The following PNKP variants were observed in gnomAD, a reference collection of about 807,000 sequenced individuals.
PNKP encodes the protein polynucleotide kinase 3'-phosphatase, also known as bifunctional polynucleotide phosphatase/kinase.
PNKP carries 82 observed loss-of-function variants against 66.2 expected under a neutral mutation model. That is an observed-to-expected ratio of 1.24 (90% CI 1.04 to 1.49). The LOEUF is 1.49. Ranked by LOEUF, PNKP falls within the 40% of genes most tolerant of loss-of-function variation. PNKP has a pLI of 0.00. For synonymous variants in PNKP, 412 were observed against 298.9 expected, an observed-to-expected ratio of 1.38 and a Z score of -3.90; for missense variants, 907 against 706.8, an observed-to-expected ratio of 1.28 and a Z score of -3.21.
At chr19:49,862,142 C>A in intron 12 of PNKP, 37 bp from the exon 13 acceptor site, 1 of 1,613,894 alleles carries the variant, frequency 6.2e-7, no homozygotes, top group South Asian at 1.1e-5. Flanking sequence ...GGCCTAGGAC[C>A]CAGGCGGGGC....
rs2074759584 is a variant in PNKP, at chr19:49,861,529, G to A, written c.1387-19C>T. 6.2e-7 allele frequency: 1 copy of A among 1,612,658 alleles called. No individual in the cohort carries two copies. Among genetic ancestry groups the A allele is most frequent in the Non-Finnish European group, 8.5e-7 (1 of 1,179,024 alleles). On this transcript the variant is annotated intron_variant, in intron 15 of 16. Coordinates refer to ENST00000322344, the MANE Select transcript of PNKP (RefSeq NM_007254.4). ...CTCGAAACTGTGGGGAACATCAGAG[G>A]GGCGGCAGGCCCAGGGGTCAGGGGA...
In PNKP at chr19:49,862,101, C is replaced by T. The variant is rs2074774537; in HGVS notation, c.1131G>A (p.Gly377=). The T allele has an allele frequency of 6.2e-7, 1 of 1,614,120 alleles. No individual in the cohort carries two copies. The change falls in exon 13 of 17, where the codon GGG becomes GGA. Residue 377 remains glycine (G), a synonymous_variant. Transcript: ENST00000322344. ...GGTGCTTCTTGAGAAAGGTGGACTTCCCGGCTGTGTGGGGGGCAGTGTCGG... is the reference window on the plus strand; with the variant it reads ...GGTGCTTCTTGAGAAAGGTGGACTTTCCGGCTGTGTGGGGGGCAGTGTCGG... ...VVVAVGFPGA[G]KSTFLKKHLV... is the part of the protein sequence containing the mutation.
At chr19:49,863,506 G>A (rs1315739617) in intron 8 of PNKP, among the ~76,000 whole-genome samples, 183 bp downstream of exon 8, 1 of 152,228 alleles carries the variant, frequency 6.6e-6, no homozygotes, top group Non-Finnish European at 1.5e-5. Context: ...CTACTACTCT[G>A]ATGTAGAAAG....
At position 49,864,248 on chromosome 19, in the gene PNKP, A is replaced by G. The variant is rs1388215202; in HGVS notation, c.579-12T>C. 2.5e-6 allele frequency: 4 copies of G among 1,613,982 alleles called. No homozygotes were observed. Among genetic ancestry groups the G allele is most frequent in the Non-Finnish European group, 3.4e-6 (4 of 1,179,978 alleles). On this transcript the variant is annotated splice_polypyrimidine_tract_variant and intron_variant, in intron 5 of 16. Coordinates refer to ENST00000322344, the MANE Select transcript of PNKP (RefSeq NM_007254.4). ...CTGGGTACAAGATCCTACGGCAGGT[A>G]TGAAGCGGCAGGGGTGACCCGGGGC...
chr19:49,865,037 A>G, intron 4 of PNKP, 90 bp downstream of exon 4: 1 of 1,047,928 alleles, frequency 9.5e-7, no homozygotes, highest in South Asian at 1.4e-5. Context: ...CAGAAAAGTA[A>G]GTAGAGGCTA....
At chr19:49,865,621 TTTTTC>T (rs773950318) in intron 3 of PNKP, 195 bp from the exon 4 acceptor site, 28,813 of 387,918 alleles carry the variant, frequency 0.074, 11 homozygotes, top group South Asian at 0.14. Flanking sequence ...TTTTTTTTTT[TTTTTC>T]CCCTGGAGAT....
Position 49,867,092 on chromosome 19 carries a change from A to G in PNKP, c.113T>C (p.Leu38Pro). ...GCACTTCCGGTCCGTAACCTGGGTC[A>G]GGGGTCCCCTGCCCAGGACCAGGGC... ...GQALVLGRGP[L>P]TQVTDRKCSR... Residue 38 changes from leucine (L) to proline (P), a missense_variant, in exon 2 of 17, where the codon CTG becomes CCG. Physicochemically the swap from Leu to Pro is moderately conservative, Grantham distance 98. Coordinates refer to ENST00000322344, the MANE Select transcript of PNKP (RefSeq NM_007254.4). 1 of 1,613,780 alleles carries G rather than the reference A, an allele frequency of 6.2e-7. No individual in the cohort carries two copies. The highest frequency in any genetic ancestry group is 1.1e-5 in the South Asian group (1 of 91,084).
At chr19:49,863,898 A>G in intron 7 of PNKP, 66 bp downstream of exon 7, 2 of 1,424,354 alleles carry the variant, frequency 1.4e-6, no homozygotes, top group South Asian at 1.2e-5. Flanking sequence ...CTTACCCTGG[A>G]GTCTAAAGCC....
rs1372102633 is a variant in PNKP at position 49,867,228 on chromosome 19, G to A, written c.-13-11C>T. ...ATCCTGGGTGCCGGCCTGGGGAGCA[G>A]GTAAACGGGCTTGAGCGGCGCACAG... is the stretch of plus-strand genomic sequence containing the variant. On this transcript the variant is annotated splice_polypyrimidine_tract_variant and intron_variant, in intron 1 of 16. Transcript: ENST00000322344. The A allele has an allele frequency of 6.2e-7, 1 of 1,602,570 alleles. No individual in the cohort carries two copies. Among genetic ancestry groups the A allele is most frequent in the Admixed American group, 1.7e-5 (1 of 58,782 alleles).
chr19:49,863,729 C>T lies in PNKP; in HGVS notation c.776G>A (p.Arg259Gln), dbSNP rs1358481768. The T allele has an allele frequency of 2.1e-5, 32 of 1,559,280 alleles. No individual in the cohort carries two copies. The highest frequency in any genetic ancestry group is 1.2e-4 in the Admixed American group (6 of 51,810). Residue 259 changes from arginine to glutamine, a missense_variant, in exon 8 of 17, where the codon CGG (arginine) becomes CAG (glutamine). Physicochemically the swap from Arg to Gln is conservative, Grantham distance 43. Coordinates refer to ENST00000322344, the MANE Select transcript of PNKP (RefSeq NM_007254.4). Reference sequence around the variant, plus strand: ...GTCCCACATGCCCGTCACCGGCTTCCGGTACAAGCCTGCGTGCGTGGCCAC... The same window carrying T: ...GTCCCACATGCCCGTCACCGGCTTCTGGTACAAGCCTGCGTGCGTGGCCAC... ...VLVATHAGLYRKPVTGMWDHL... is the reference protein window; with the variant it reads ...VLVATHAGLYQKPVTGMWDHL...
Position 49,865,214 on chromosome 19 carries a change from C to T in PNKP, c.411G>A (p.Lys137=). 6.2e-7 allele frequency: 1 copy of T among 1,614,242 alleles called. No homozygotes were observed. Among genetic ancestry groups the T allele is most frequent in the Non-Finnish European group, 8.5e-7 (1 of 1,180,042 alleles). ...CGGGGTTTGACTTCCGCATACGCTT[C>T]TTCGGCAGCTCAGCATCTCTCTTCT... ...QDEKRDAELP[K]KRMRKSNPGW... is the part of the protein sequence containing the mutation. The change falls in exon 4 of 17, where the codon AAG becomes AAA. Residue 137 remains lysine (K), a synonymous_variant. Coordinates refer to ENST00000322344, the MANE Select transcript of PNKP (RefSeq NM_007254.4).
At position 49,867,456 on chromosome 19, in the gene PNKP, G is replaced by T; in HGVS notation, c.-14+13C>A. 1 of 561,122 alleles carries T rather than the reference G, an allele frequency of 1.8e-6. No individual in the cohort carries two copies. The highest frequency in any genetic ancestry group is 3.2e-6 in the Non-Finnish European group (1 of 313,448). The allele number at this position is 561,122 out of a possible 1,614,324, so 34.8% of individuals were successfully genotyped here. A position where few individuals can be genotyped will look rare whatever the true frequency, so the allele number is the denominator to read the frequency against. ...AGAGCCTCGCACATGCCTCCGCCCC[G>T]CCCCGTACTCACCCGGGACCGCGGC... On this transcript the variant is annotated intron_variant, in intron 1 of 16. Transcript: ENST00000322344.
In PNKP at chr19:49,861,456, C is replaced by CT; in HGVS notation, c.1440_1441insA (p.Gly481ArgfsTer13). On this transcript the variant is annotated frameshift_variant, in exon 16 of 17. Transcript: ENST00000322344. LOFTEE classifies it low-confidence loss of function (END_TRUNC). ...TGCTATCCCCAACAGTACCTGTAGC[C>CT]ATACATGACCATGTCTGACACGGGG... is the stretch of plus-strand genomic sequence containing the variant. 6.2e-7 allele frequency: 1 copy of CT among 1,612,458 alleles called. No individual in the cohort carries two copies. Among genetic ancestry groups the CT allele is most frequent in the Non-Finnish European group, 8.5e-7 (1 of 1,179,140 alleles).
In PNKP at chr19:49,862,525, G is replaced by C. The variant is rs962788282; in HGVS notation, c.936+13C>G. ...GTCGGGCTCGGGCGCGGGGCAGGGG[G>C]CAGGGGCCTCACCAGGCGATCGGCG... On this transcript the variant is annotated intron_variant, in intron 10 of 16. Coordinates refer to ENST00000322344, the MANE Select transcript of PNKP (RefSeq NM_007254.4). The C allele has an allele frequency of 3.7e-6, 6 of 1,606,586 alleles. No homozygotes were observed. In the African/African-American group the frequency reaches 8.0e-5, roughly 21 times the overall value.
chr19:49,862,561 C>T lies in PNKP; in HGVS notation c.913G>A (p.Asp305Asn). ...ANWAPGRKKKDFSCADRLFAL... is the reference protein window; with the variant it reads ...ANWAPGRKKKNFSCADRLFAL... ...ACCAGGCGATCGGCGCAGGAGAAGT[C>T]TTTCTTCTTCCGCCCCGGGGCCCAG... The change falls in exon 10 of 17, where the codon GAC becomes AAC. Residue 305 changes from aspartate (D) to asparagine (N), a missense_variant. Coordinates refer to ENST00000322344, the MANE Select transcript of PNKP (RefSeq NM_007254.4). The T allele has an allele frequency of 6.2e-7, 1 of 1,612,480 alleles. No homozygotes were observed. The highest frequency in any genetic ancestry group is 1.1e-5 in the South Asian group (1 of 90,932).
Position 49,861,511 on chromosome 19 carries a change from CTG to C in PNKP, c.1387-3_1387-2del, listed in dbSNP as rs760066611. On this transcript the variant is annotated splice_acceptor_variant and splice_polypyrimidine_tract_variant and intron_variant, in intron 15 of 16. Transcript: ENST00000322344. LOFTEE classifies it high-confidence loss of function. Reference sequence around the variant, plus strand: ...GAGAGGAGTCCGTCATCTCTCGAAACTGTGGGGAACATCAGAGGGGCGGCAGG... The same window carrying C: ...GAGAGGAGTCCGTCATCTCTCGAAACTGGGGAACATCAGAGGGGCGGCAGG... 29 of 1,495,050 alleles carry C rather than the reference CTG, an allele frequency of 1.9e-5. No individual in the cohort carries two copies. The highest frequency in any genetic ancestry group is 1.8e-4 in the Middle Eastern group (1 of 5,458). 92.6% of individuals were successfully genotyped at this position (1,495,050 alleles called of 1,614,324 possible).
chr19:49,866,259 C>A, intron 3 of PNKP, 140 bp downstream of exon 3: 1 of 830,836 alleles, frequency 1.2e-6, no homozygotes, highest in South Asian at 1.3e-5. Context: ...CTCGGCCTCC[C>A]AAAGTGCTGG....
intron 4 of PNKP, 33 bp from the exon 5 acceptor site, chr19:49,864,436 C>T: frequency 6.6e-7 from 1 of 1,514,020 alleles, no homozygotes; most frequent in East Asian, 2.3e-5. Flanking sequence ...AACAGCAGCA[C>T]TGTGATACCT....
rs763221116 is a variant in PNKP at position 49,866,529 on chromosome 19, C to A, written c.152-84G>T. 13 of 1,311,110 alleles carry A rather than the reference C, an allele frequency of 9.9e-6. No homozygotes were observed. The Admixed American group carries it at 2.0e-4, about 20-fold the overall frequency. The allele number at this position is 1,311,110 out of a possible 1,614,324, so 81.2% of individuals were successfully genotyped here. A position where few individuals can be genotyped will look rare whatever the true frequency, so the allele number is the denominator to read the frequency against. ...TCTGGGGAGTGTGGCCTGCTTCAGG[C>A]TATAGCATCCAGGGAGTAAGAGGCA... On this transcript the variant is annotated intron_variant, in intron 2 of 16. Coordinates refer to ENST00000322344, the MANE Select transcript of PNKP (RefSeq NM_007254.4).
Sources: gnomAD v4.1 joint callset for allele counts (sites outside exome capture counted in the v4.1 genomes callset) on GRCh38, gnomAD v4.1.1 for gene constraint, MANE v1.5 for transcripts, NCBI Gene and HGNC (gene_info 2026-07-23, HGNC 2026-07-21) for gene names.